Variants in PLA2G10 observed in about 807,000 individuals in gnomAD.
PLA2G10 encodes group 10 secretory phospholipase A2.
Under a neutral mutation model 7.9 loss-of-function variants are expected in PLA2G10, and 9 were observed. That is an observed-to-expected ratio of 1.14 (90% confidence interval 0.68 to 1.98). The LOEUF (loss-of-function observed/expected upper bound fraction) is 1.98. Among genes scored for constraint, PLA2G10 ranks in the 30% most tolerant of loss-of-function variants. The probability of loss-of-function intolerance (pLI) is 0.00; values close to 1 mark genes in which losing one functional copy is unlikely to be tolerated. For synonymous variants in PLA2G10, 19 were observed against 27.5 expected (o/e 0.69, Z 0.97); for missense variants, 53 against 65.4 (o/e 0.81, Z 0.66).
intron 3 of PLA2G10, chr16:14,678,799 CT>C: frequency 2.8e-6 from 1 of 352,048 alleles, no homozygotes; most frequent in Non-Finnish European, 5.7e-6. Flanking sequence ...GGTCATGTCC[CT>C]CCCCTGCTCA....
Position 14,678,767 on chromosome 16 carries a change from C to CAA in PLA2G10, c.356-6020_356-6019dup, listed in dbSNP as rs746387512. Reference sequence around the variant, plus strand: ...CCTGGGTGACAGAGCAAGACTGTCTCAAAAAAAAAAAATGCAAATCAGGTC... The same window carrying CAA: ...CCTGGGTGACAGAGCAAGACTGTCTCAAAAAAAAAAAAAATGCAAATCAGGTC... On this transcript the variant is annotated intron_variant, in intron 3 of 3. Transcript: ENST00000438167. The CAA allele has an allele frequency of 5.1e-3, 1,592 of 311,648 alleles. 22 individuals are homozygous for CAA. Among genetic ancestry groups the CAA allele is most frequent in the African/African-American group, 0.031 (1,337 of 43,300 alleles). 19.3% of individuals were successfully genotyped at this position (311,648 alleles called of 1,614,324 possible).
intron 3 of PLA2G10, among the ~76,000 whole-genome samples, chr16:14,684,888 A>G (rs1239632345): frequency 6.6e-6 from 1 of 152,158 alleles, no homozygotes; most frequent in East Asian, 1.9e-4. Flanking sequence ...ATACTCCAAA[A>G]TATTGAAACC....
chr16:14,684,245 G>T (rs1960983113), intron 3 of PLA2G10, among the ~76,000 whole-genome samples: 1 of 145,494 alleles, frequency 6.9e-6, no homozygotes. Flanking sequence ...CCTGAGACAG[G>T]AGAATAGCTT....
intron 3 of PLA2G10, among the ~76,000 whole-genome samples, chr16:14,681,201 G>T (rs1397015062): frequency 2.0e-5 from 3 of 150,908 alleles, no homozygotes; most frequent in South Asian, 2.1e-4. Flanking sequence ...AAAGGGGGAG[G>T]GGGGAGAGAG....
rs1030310177 is a variant in PLA2G10, at chr16:14,687,507, A to G, written c.355+658T>C. ...ACCACGCCTGGCCAATGTTAAAAAA[A>G]TCCTTTAACTTTTTTGTAGAGATGC... On this transcript the variant is annotated intron_variant, in intron 3 of 3. Transcript: ENST00000438167. Among the ~76,000 whole-genome samples, 32 of 151,772 alleles carry G rather than the reference A, an allele frequency of 2.1e-4. No homozygotes were observed. In the Admixed American group the frequency reaches 2.1e-3, roughly 10 times the overall value.
At chr16:14,676,745 A>G (rs1308508766) in intron 3 of PLA2G10, among the ~76,000 whole-genome samples, 2 of 152,212 alleles carry the variant, frequency 1.3e-5, no homozygotes, top group South Asian at 2.1e-4. Flanking sequence ...ATAAAAAAGA[A>G]CAAAATGTTT....
chr16:14,674,278 A>G (rs901624533), intron 3 of PLA2G10, among the ~76,000 whole-genome samples: 1 of 152,234 alleles, frequency 6.6e-6, no homozygotes, highest in Non-Finnish European at 1.5e-5. Context: ...CATGGATTGG[A>G]AGAATCAATG....
At chr16:14,687,015 G>C (rs1200120083) in intron 3 of PLA2G10, among the ~76,000 whole-genome samples, 1 of 151,844 alleles carries the variant, frequency 6.6e-6, no homozygotes, top group African/African-American at 2.4e-5. Context: ...GGCTGAGGCA[G>C]GAGAATCACT....
At chr16:14,677,525 C>A (rs1257501752) in intron 3 of PLA2G10, among the ~76,000 whole-genome samples, 5 of 152,098 alleles carry the variant, frequency 3.3e-5, no homozygotes, top group African/African-American at 1.2e-4. Flanking sequence ...CACCACCACG[C>A]CTAGTTAATT....
At chr16:14,686,836 T>C (rs1351699582) in intron 3 of PLA2G10, among the ~76,000 whole-genome samples, 2 of 152,100 alleles carry the variant, frequency 1.3e-5, no homozygotes, top group Admixed American at 6.6e-5. Context: ...CCAGATGCAG[T>C]GGCTCACACC....
intron 3 of PLA2G10, among the ~76,000 whole-genome samples, chr16:14,679,660 CAAAAAAAAAA>C (rs770745365): frequency 7.7e-6 from 1 of 130,486 alleles, no homozygotes; most frequent in Non-Finnish European, 1.6e-5. Context: ...GACTCCACCT[CAAAAAAAAAA>C]AAAAATAATA....
At chr16:14,687,908 A>G (rs1743777756) in intron 3 of PLA2G10, among the ~76,000 whole-genome samples, 1 of 151,866 alleles carries the variant, frequency 6.6e-6, no homozygotes, top group African/African-American at 2.4e-5. Context: ...CTGAGGCACG[A>G]GAATCGCTTG....
intron 3 of PLA2G10, chr16:14,678,553 G>C (rs78388984): frequency 8.6e-6 from 2 of 231,790 alleles, no homozygotes; most frequent in Admixed American, 5.7e-5. Flanking sequence ...TGGGTCACCC[G>C]AGGTCAGAAA....
At chr16:14,687,102 C>A (rs1961097070) in intron 3 of PLA2G10, among the ~76,000 whole-genome samples, 1 of 150,858 alleles carries the variant, frequency 6.6e-6, no homozygotes, top group East Asian at 2.0e-4. Context: ...GAGTAAAACT[C>A]TGTCTCAAAA....
At chr16:14,675,478 T>C (rs917163460) in intron 3 of PLA2G10, among the ~76,000 whole-genome samples, 29 of 152,058 alleles carry the variant, frequency 1.9e-4, no homozygotes, top group East Asian at 7.7e-4. Flanking sequence ...AAATAGGACT[T>C]AATTAAACTA....
chr16:14,683,931 T>C (rs1273141451), intron 3 of PLA2G10, among the ~76,000 whole-genome samples: 5 of 152,154 alleles, frequency 3.3e-5, no homozygotes, highest in Non-Finnish European at 7.3e-5. Flanking sequence ...AGAGTCAGTA[T>C]CCACAGTATA....
chr16:14,684,000 CAG>C (rs1960972496), intron 3 of PLA2G10, among the ~76,000 whole-genome samples: 2 of 152,104 alleles, frequency 1.3e-5, no homozygotes, highest in African/African-American at 4.8e-5. Context: ...CTTTCAGAGG[CAG>C]ACAGGCAGAA....
chr16:14,683,818 G>A (rs892585609), intron 3 of PLA2G10, among the ~76,000 whole-genome samples: 2 of 152,148 alleles, frequency 1.3e-5, no homozygotes, highest in South Asian at 2.1e-4. Context: ...CAGATTAATT[G>A]AACTTCATCA....
intron 3 of PLA2G10, among the ~76,000 whole-genome samples, chr16:14,686,615 G>A (rs930186132): frequency 3.9e-5 from 6 of 152,010 alleles, no homozygotes; most frequent in African/African-American, 9.7e-5. Context: ...ATTCTCCTGC[G>A]TCAGACTCTC....
Sources: allele counts gnomAD v4.1 joint callset (sites outside exome capture counted in the v4.1 genomes callset), GRCh38; gene constraint gnomAD v4.1.1; transcripts MANE v1.5; gene names NCBI Gene and HGNC (gene_info 2026-07-23, HGNC 2026-07-21).